The following TRIM54 variants were observed in gnomAD, a reference collection of about 807,000 sequenced individuals.
TRIM54 encodes tripartite motif-containing protein 54.
A neutral mutation model predicts 42.0 loss-of-function variants in TRIM54; 40 were observed. The observed-to-expected ratio is 0.95, with a 90% CI of 0.74 to 1.24. The LOEUF is 1.24. Among genes scored for constraint, TRIM54 ranks in the 50% most tolerant of loss-of-function variants. TRIM54 has a pLI of 0.00. For synonymous variants in TRIM54, 199 were observed against 194.9 expected (o/e 1.02, Z -0.17); for missense variants, 485 against 480.3 (o/e 1.01, Z -0.09).
Position 27,299,374 on chromosome 2 carries a change from C to T in TRIM54, c.471C>T (p.Asp157=). 6.2e-7 allele frequency: 1 copy of T among 1,614,132 alleles called. No homozygotes were observed. The highest frequency in any genetic ancestry group is 1.1e-5 in the South Asian group (1 of 91,084). The change falls in exon 3 of 9, where the codon GAC becomes GAT. Residue 157 remains aspartate (D), a synonymous_variant. Coordinates refer to ENST00000380075, the MANE Select transcript of TRIM54 (RefSeq NM_187841.3). ...GCAAGGTCTTCGGTGCCCACAAGGACTGTGAGGTGGCCCCACTGCCCACCA... is the reference window on the plus strand; with the variant it reads ...GCAAGGTCTTCGGTGCCCACAAGGATTGTGAGGTGGCCCCACTGCCCACCA... ...SLCKVFGAHK[D]CEVAPLPTIY...
intron 1 of TRIM54, among the ~76,000 whole-genome samples, chr2:27,285,858 C>T (rs980154131): frequency 1.3e-5 from 2 of 151,856 alleles, no homozygotes; most frequent in African/African-American, 2.4e-5. Flanking sequence ...GGACAACAAA[C>T]AAGAGTTTTT....
intron 1 of TRIM54, among the ~76,000 whole-genome samples, chr2:27,284,098 A>G (rs948076264): frequency 2.6e-5 from 4 of 152,132 alleles, no homozygotes; most frequent in African/African-American, 9.7e-5. Context: ...ATGCCACTGC[A>G]CTCTGACCTG....
chr2:27,306,225 G>A lies in TRIM54; in HGVS notation c.879G>A (p.Met293Ile). ...GTGGCCACTGCAGGGTCGGGGCCAT[G>A]TCGAAGGTGGAGCTGGCAGGGCGGC... ...AKELINKVGA[M>I]SKVELAGRPE... The change falls in exon 7 of 9, where the codon ATG becomes ATA. Residue 293 changes from methionine to isoleucine, a missense_variant. Met to Ile is a conservative substitution (Grantham distance 10). Transcript: ENST00000380075. The surrounding 1 kb of genome is among the most constrained non-coding windows in gnomAD (Gnocchi z 6.1). 6.2e-7 allele frequency: 1 copy of A among 1,614,118 alleles called. No individual in the cohort carries two copies. Among genetic ancestry groups the A allele is most frequent in the South Asian group, 1.1e-5 (1 of 91,088 alleles).
At chr2:27,284,357 C>T (rs1312104314) in intron 1 of TRIM54, among the ~76,000 whole-genome samples, 4 of 152,198 alleles carry the variant, frequency 2.6e-5, no homozygotes, top group Admixed American at 6.5e-5. Context: ...CTAGGTCAGG[C>T]CATCCCACAA....
chr2:27,300,283 T>C (rs950841300), intron 3 of TRIM54, among the ~76,000 whole-genome samples: 1 of 152,176 alleles, frequency 6.6e-6, no homozygotes, highest in Non-Finnish European at 1.5e-5. Flanking sequence ...GCAATTCTCC[T>C]GCCTCAGCCT....
intron 2 of TRIM54, 142 bp downstream of exon 2, chr2:27,298,881 C>A: frequency 2.1e-6 from 2 of 934,272 alleles, no homozygotes; most frequent in Non-Finnish European, 3.2e-6. Context: ...CGGAGAGGGA[C>A]TTGCCTCAGG....
At chr2:27,305,883 C>G in intron 5 of TRIM54, 66 bp downstream of exon 5, 2 of 1,433,076 alleles carry the variant, frequency 1.4e-6, no homozygotes, top group East Asian at 2.5e-5. Context: ...TACCTGGAGT[C>G]CCGGGTTCAA....
chr2:27,292,067 T>C (rs1401636078), intron 1 of TRIM54, among the ~76,000 whole-genome samples: 2 of 152,232 alleles, frequency 1.3e-5, no homozygotes, highest in East Asian at 3.8e-4. Flanking sequence ...TGAGTACTGA[T>C]GCCTCTTAGC....
In TRIM54 at chr2:27,306,147, C is replaced by T. The variant is rs1377181355; in HGVS notation, c.866+45C>T. 2 of 1,613,850 alleles carry T rather than the reference C, an allele frequency of 1.2e-6. No homozygotes were observed. The highest frequency in any genetic ancestry group is 1.3e-5 in the African/African-American group (1 of 74,908). ...AGGGAAAGGAGGGGGCTGCACTGCT[C>T]CACTGGCTGGGGTGGGGCTTGAGAG... On this transcript the variant is annotated intron_variant, in intron 6 of 8. Coordinates refer to ENST00000380075, the MANE Select transcript of TRIM54 (RefSeq NM_187841.3). The surrounding 1 kb of genome is among the most constrained non-coding windows in gnomAD (Gnocchi z 6.1).
rs545665853 is a variant in TRIM54 at position 27,305,143 on chromosome 2, C to T, written c.609+89C>T. The T allele has an allele frequency of 3.1e-4, 360 of 1,176,338 alleles. 1 individual carries two copies. In the African/African-American group the frequency reaches 5.0e-3, roughly 16 times the overall value. The allele number at this position is 1,176,338 out of a possible 1,614,324, so 72.9% of individuals were successfully genotyped here. A position where few individuals can be genotyped will look rare whatever the true frequency, so the allele number is the denominator to read the frequency against. On this transcript the variant is annotated intron_variant, in intron 4 of 8. Coordinates refer to ENST00000380075, the MANE Select transcript of TRIM54 (RefSeq NM_187841.3). ...AGAGAACTGCTCCTCTCTGACCTCT[C>T]GCCAAACTGGTCTGAAAGTTTCTGG...
Position 27,296,264 on chromosome 2 carries a change from A to G in TRIM54, c.169-2303A>G, listed in dbSNP as rs529972017. Among the ~76,000 whole-genome samples, 19 of 152,230 alleles carry G rather than the reference A, an allele frequency of 1.2e-4. No individual in the cohort carries two copies. The South Asian group carries it at 3.9e-3, about 32-fold the overall frequency. ...TTCCAAACTGTCTTCTGGTTTGTGT[A>G]TGGTGTAAGGGTTTGGAGAAGTTCA... On this transcript the variant is annotated intron_variant, in intron 1 of 8. Coordinates refer to ENST00000380075, the MANE Select transcript of TRIM54 (RefSeq NM_187841.3).
At position 27,306,608 on chromosome 2, in the gene TRIM54, G is replaced by C. The variant is rs1208375774; in HGVS notation, c.*1+66G>C. The stretch of plus-strand genomic sequence containing the variant: ...AGGGGCTTGGGGTGGGGCCTGGCTG[G>C]TGTGCTCGCGTCCCCTCCCCCAGTG... On this transcript the variant is annotated intron_variant, in intron 8 of 8. Transcript: ENST00000380075. The surrounding 1 kb of genome is among the most constrained non-coding windows in gnomAD (Gnocchi z 6.1). The C allele has an allele frequency of 7.1e-7, 1 of 1,410,368 alleles. No individual in the cohort carries two copies. The highest frequency in any genetic ancestry group is 9.4e-7 in the Non-Finnish European group (1 of 1,058,544). 87.4% of individuals were successfully genotyped at this position (1,410,368 alleles called of 1,614,324 possible).
chr2:27,307,066 C>T lies in TRIM54; in HGVS notation c.*181C>T, dbSNP rs375211430. 1.1e-3 allele frequency: 256 copies of T among 229,018 alleles called. No homozygotes were observed. Among genetic ancestry groups the T allele is most frequent in the African/African-American group, 5.7e-3 (246 of 42,804 alleles). The allele number at this position is 229,018 out of a possible 1,614,324, so 14.2% of individuals were successfully genotyped here. ...CCCGCAGCCTGGGCTTCGAAGGCGA[C>T]CCGCCCACCATCCTGCCCTTCCCAG... is the stretch of plus-strand genomic sequence containing the variant. On this transcript the variant is annotated 3_prime_UTR_variant, in exon 9 of 9. Coordinates refer to ENST00000380075, the MANE Select transcript of TRIM54 (RefSeq NM_187841.3). The surrounding 1 kb of genome is among the most constrained non-coding windows in gnomAD (Gnocchi z 6.9).
At chr2:27,300,593 ATATT>A (rs1679007187) in intron 3 of TRIM54, among the ~76,000 whole-genome samples, 1 of 150,646 alleles carries the variant, frequency 6.6e-6, no homozygotes, top group African/African-American at 2.4e-5. Context: ...ACTAATAATA[ATATT>A]TATTAGTAGT....
In TRIM54 at chr2:27,305,752, T is replaced by G; in HGVS notation, c.778T>G (p.Ser260Ala). 6.2e-7 allele frequency: 1 copy of G among 1,611,756 alleles called. No individual in the cohort carries two copies. Among genetic ancestry groups the G allele is most frequent in the South Asian group, 1.1e-5 (1 of 90,600 alleles). The change falls in exon 5 of 9, where the codon TCC becomes GCC. Residue 260 changes from serine to alanine, a missense_variant. Physicochemically the swap from Ser to Ala is moderately conservative, Grantham distance 99 (BLOSUM62 1). Transcript: ENST00000380075. ...TCAGTATGGCGACCACCTGGAGGCCTCCTCTAAGCTGGTGGAGTCTGCCAT... is the reference window on the plus strand; with the variant it reads ...TCAGTATGGCGACCACCTGGAGGCCGCCTCTAAGCTGGTGGAGTCTGCCAT... The part of the protein sequence containing the change: ...IRQYGDHLEA[S>A]SKLVESAIQS...
At position 27,306,676 on chromosome 2, in the gene TRIM54, G is replaced by A; in HGVS notation, c.*1+134G>A. On this transcript the variant is annotated intron_variant, in intron 8 of 8. Coordinates refer to ENST00000380075, the MANE Select transcript of TRIM54 (RefSeq NM_187841.3). The surrounding 1 kb of genome is among the most constrained non-coding windows in gnomAD (Gnocchi z 6.1). ...TAGCGTGGAGCCCCCACTCCTCGGT[G>A]CAACCCAACCCCGGAGCCACAAAGG... 1.0e-6 allele frequency: 1 copy of A among 970,420 alleles called. No homozygotes were observed. The highest frequency in any genetic ancestry group is 1.5e-6 in the Non-Finnish European group (1 of 666,482). The allele number at this position is 970,420 out of a possible 1,614,324, so 60.1% of individuals were successfully genotyped here.
chr2:27,293,593 A>ATC (rs1678780333), intron 1 of TRIM54, among the ~76,000 whole-genome samples: 1 of 152,188 alleles, frequency 6.6e-6, no homozygotes, highest in South Asian at 2.1e-4. Context: ...TTGATGAGTC[A>ATC]TCTTTTGTTG....
Position 27,282,738 on chromosome 2 carries a change from T to C in TRIM54, c.7T>C (p.Phe3Leu). ...AGGCACGACCACCGAGGGGATGAACTTCACAGTGGGTTTCAAGCCGCTGCT... is the reference window on the plus strand; with the variant it reads ...AGGCACGACCACCGAGGGGATGAACCTCACAGTGGGTTTCAAGCCGCTGCT... MN[F>L]TVGFKPLLGD... The change falls in exon 1 of 9, where the codon TTC becomes CTC. Residue 3 changes from phenylalanine to leucine, a missense_variant. Physicochemically the swap from Phe to Leu is conservative, Grantham distance 22. Coordinates refer to ENST00000380075, the MANE Select transcript of TRIM54 (RefSeq NM_187841.3). The C allele has an allele frequency of 6.2e-7, 1 of 1,611,294 alleles. No homozygotes were observed. Among genetic ancestry groups the C allele is most frequent in the Non-Finnish European group, 8.5e-7 (1 of 1,178,656 alleles).
rs760704922 is a variant in TRIM54, at chr2:27,305,592, C to G, written c.618C>G (p.Ser206Arg). The G allele has an allele frequency of 1.9e-6, 3 of 1,612,690 alleles. No homozygotes were observed. Among genetic ancestry groups the G allele is most frequent in the South Asian group, 2.2e-5 (2 of 90,922 alleles). ...EEVCQTIEDN[S>R]RRQKQLLNQR... ...TGCTCCCCATCTTTTAGGACAATAG[C>G]CGGAGGCAGAAGCAGTTGTTAAACC... Residue 206 changes from serine to arginine, a missense_variant, in exon 5 of 9, where the codon AGC becomes AGG. Coordinates refer to ENST00000380075, the MANE Select transcript of TRIM54 (RefSeq NM_187841.3).
Sources: allele counts gnomAD v4.1 joint callset (sites outside exome capture counted in the v4.1 genomes callset), GRCh38; gene constraint gnomAD v4.1.1; non-coding constraint Gnocchi (gnomAD v3.1); transcripts MANE v1.5; gene names NCBI Gene and HGNC (gene_info 2026-07-23, HGNC 2026-07-21).